The following VPS13D variants were observed in gnomAD, a reference collection of about 807,000 sequenced individuals.
The protein encoded by VPS13D is vacuolar protein sorting 13 homolog D.
VPS13D carries 187 observed loss-of-function variants against 461.9 expected under a neutral mutation model. The ratio of observed to expected loss-of-function variants is 0.40; its 90% confidence interval spans 0.36 to 0.46. The LOEUF (loss-of-function observed/expected upper bound fraction) is 0.46, where lower values mean the gene tolerates loss of function less well. Among genes scored for constraint, VPS13D ranks in the 20% least tolerant of loss-of-function variants. VPS13D has a pLI of 0.60. For synonymous variants in VPS13D, 1,951 were observed against 1,986.3 expected, an observed-to-expected ratio of 0.98 and a Z score of 0.47; for missense variants, 4,711 against 5,364.9, an observed-to-expected ratio of 0.88 and a Z score of 3.81.
At chr1:12,293,282 CTGAG>C in intron 23 of VPS13D, among the ~76,000 whole-genome samples, 1 of 152,320 alleles carries the variant, frequency 6.6e-6, no homozygotes, top group South Asian at 2.1e-4. Context: ...CAGGTGGCCT[CTGAG>C]TGACCTCAGT....
At chr1:12,455,747 C>T (rs1228922630) in intron 65 of VPS13D, among the ~76,000 whole-genome samples, 3 of 152,018 alleles carry the variant, frequency 2.0e-5, no homozygotes, top group African/African-American at 7.2e-5. Flanking sequence ...GGTGAAACCC[C>T]ATCTCTGCTA....
chr1:12,422,485 T>C (rs1040945552), intron 65 of VPS13D, among the ~76,000 whole-genome samples: 1 of 152,206 alleles, frequency 6.6e-6, no homozygotes, highest in Non-Finnish European at 1.5e-5. Flanking sequence ...GTTAATGCAT[T>C]TTATTCTATG....
intron 65 of VPS13D, among the ~76,000 whole-genome samples, chr1:12,424,575 CAG>C (rs1197903808): frequency 2.0e-5 from 3 of 152,100 alleles, no homozygotes; most frequent in African/African-American, 4.8e-5. Flanking sequence ...GCCAGGTGAG[CAG>C]AGTTTGCTCA....
At chr1:12,400,593 T>G (rs1193351944) in intron 61 of VPS13D, among the ~76,000 whole-genome samples, 3 of 152,132 alleles carry the variant, frequency 2.0e-5, no homozygotes, top group African/African-American at 7.2e-5. Flanking sequence ...GTGAAGTCAC[T>G]GTAGGAAAGT....
chr1:12,275,774 G>T (rs1641591532), intron 18 of VPS13D, 51 bp from the exon 19 acceptor site: 6 of 1,507,164 alleles, frequency 4.0e-6, no homozygotes, highest in South Asian at 1.4e-5. Flanking sequence ...TTAAGGGAAA[G>T]AGGAGGGAAA....
At chr1:12,379,455 G>A in intron 56 of VPS13D, 33 bp from the exon 57 acceptor site, 1 of 1,596,142 alleles carries the variant, frequency 6.3e-7, no homozygotes, top group Admixed American at 1.7e-5. Context: ...TGACTCGGAG[G>A]TTTCATGGTT....
chr1:12,441,549 G>C (rs1433100208), intron 65 of VPS13D, among the ~76,000 whole-genome samples: 1 of 152,196 alleles, frequency 6.6e-6, no homozygotes, highest in Non-Finnish European at 1.5e-5. Context: ...AGTGGTTTGT[G>C]TGCATGGACA....
At chr1:12,278,733 T>G (rs561009095) in intron 19 of VPS13D, among the ~76,000 whole-genome samples, 144 of 152,386 alleles carry the variant, frequency 9.4e-4, no homozygotes, top group African/African-American at 3.5e-3. Flanking sequence ...TTAAACATTT[T>G]AGCCCAAGAT....
Position 12,380,841 on chromosome 1 carries a change from TC to T in VPS13D, c.11190+1246del, listed in dbSNP as rs543474172. The stretch of plus-strand genomic sequence containing the variant: ...TTATCTCTATCGCCCTGAGCTTTTT[TC>T]ATCAAAGACAAGCTGCTTACTTATA... On this transcript the variant is annotated intron_variant, in intron 57 of 69. Transcript: ENST00000620676. 3.9e-3 allele frequency among the ~76,000 whole-genome samples: 596 copies of T among 152,330 alleles called. 3 individuals are homozygous for T. The highest frequency in any genetic ancestry group is 6.2e-3 in the Admixed American group (95 of 15,298).
chr1:12,322,533 T>C lies in VPS13D; in HGVS notation c.7705-3T>C, dbSNP rs2101531811. On this transcript the variant is annotated splice_polypyrimidine_tract_variant and splice_region_variant and intron_variant, in intron 33 of 69. Coordinates refer to ENST00000620676, the MANE Select transcript of VPS13D (RefSeq NM_015378.4). Reference sequence around the variant, plus strand: ...AATTGCTACCTTTTTTACATTTTGTTAGATTCAGTTACAAGCCCTGGATAT... The same window carrying C: ...AATTGCTACCTTTTTTACATTTTGTCAGATTCAGTTACAAGCCCTGGATAT... 2.5e-6 allele frequency: 4 copies of C among 1,613,782 alleles called. No individual in the cohort carries two copies. The highest frequency in any genetic ancestry group is 1.6e-4 in the Middle Eastern group (1 of 6,062).
At chr1:12,247,468 A>G (rs1331888742) in intron 5 of VPS13D, among the ~76,000 whole-genome samples, 1 of 151,896 alleles carries the variant, frequency 6.6e-6, no homozygotes, top group African/African-American at 2.4e-5. Context: ...CTCTAACACC[A>G]TTCAGGACAG....
Position 12,432,928 on chromosome 1 carries a change from C to T in VPS13D, c.12333+16101C>T, listed in dbSNP as rs182774412. Among the ~76,000 whole-genome samples, 399 of 152,332 alleles carry T rather than the reference C, an allele frequency of 2.6e-3. 4 individuals carry two copies. Among genetic ancestry groups the T allele is most frequent in the Non-Finnish European group, 8.1e-4 (55 of 68,034 alleles). ...CTCCTTCTAAAGGGAACCCACTGCACAGCATCTGGCTGCTGCCAACAAAAT... is the reference window on the plus strand; with the variant it reads ...CTCCTTCTAAAGGGAACCCACTGCATAGCATCTGGCTGCTGCCAACAAAAT... On this transcript the variant is annotated intron_variant, in intron 65 of 69. Transcript: ENST00000620676.
intron 54 of VPS13D, among the ~76,000 whole-genome samples, chr1:12,373,095 G>GTTTTTTTT (rs571503565): frequency 3.8e-4 from 14 of 37,228 alleles, no homozygotes; most frequent in Admixed American, 7.3e-4. Flanking sequence ...GTCTGGCTTG[G>GTTTTTTTT]TTTTTTTTTT....
At chr1:12,263,498 G>T (rs930797938) in intron 13 of VPS13D, among the ~76,000 whole-genome samples, 1 of 152,210 alleles carries the variant, frequency 6.6e-6, no homozygotes, top group Non-Finnish European at 1.5e-5. Flanking sequence ...TGTGAATAAT[G>T]AGGATTGACT....
rs959887526 is a variant in VPS13D at position 12,509,592 on chromosome 1, C to T, written c.*568C>T. On this transcript the variant is annotated 3_prime_UTR_variant, in exon 70 of 70. Transcript: ENST00000620676. ...GTCCTGAAAGGGACGCCTTTGACAT[C>T]GTGGCTGTCCAGTTGGGCTGTGAGC... is the stretch of plus-strand genomic sequence containing the variant. The T allele has an allele frequency of 2.0e-5, 3 of 152,370 alleles. No individual in the cohort carries two copies. The highest frequency in any genetic ancestry group is 4.8e-5 in the African/African-American group (2 of 41,462). 9.4% of individuals were successfully genotyped at this position (152,370 alleles called of 1,614,324 possible).
chr1:12,242,250 G>T (rs1640401479), intron 2 of VPS13D, among the ~76,000 whole-genome samples: 3 of 152,182 alleles, frequency 2.0e-5, no homozygotes, highest in Admixed American at 2.0e-4. Context: ...CGTATGGGCT[G>T]GTGGTAGCAC....
intron 48 of VPS13D, 141 bp from the exon 49 acceptor site, chr1:12,356,257 C>G (rs1170833694): frequency 1.4e-6 from 2 of 1,392,788 alleles, no homozygotes; most frequent in Non-Finnish European, 1.9e-6. Flanking sequence ...TCAAAACTGT[C>G]TTTTTAGGCA....
chr1:12,257,848 A>C lies in VPS13D; in HGVS notation c.942-87A>C. 3.4e-6 allele frequency: 5 copies of C among 1,458,094 alleles called. 1 individual carries two copies. The highest frequency in any genetic ancestry group is 4.7e-6 in the Non-Finnish European group (5 of 1,052,746). 90.3% of individuals were successfully genotyped at this position (1,458,094 alleles called of 1,614,324 possible). A position where few individuals can be genotyped will look rare whatever the true frequency, so the allele number is the denominator to read the frequency against. ...AAGAGAAAAGATGTCTCAGGAGAGG[A>C]GTGGGGTTATGTGGATTGTCCTGGA... is the stretch of plus-strand genomic sequence containing the variant. On this transcript the variant is annotated intron_variant, in intron 9 of 69. Transcript: ENST00000620676.
intron 63 of VPS13D, among the ~76,000 whole-genome samples, chr1:12,413,688 T>G (rs1219918648): frequency 6.6e-6 from 1 of 152,088 alleles, no homozygotes; most frequent in Non-Finnish European, 1.5e-5. Flanking sequence ...CCCAGGCTGG[T>G]CTTGAACTTC....
Sources: gnomAD v4.1 joint callset for allele counts (sites outside exome capture counted in the v4.1 genomes callset) on GRCh38, gnomAD v4.1.1 for gene constraint, MANE v1.5 for transcripts, NCBI Gene and HGNC (gene_info 2026-07-23, HGNC 2026-07-21) for gene names.